ZZZ3: variants seen among roughly 807,000 people sequenced by gnomAD.
ZZZ3 encodes the protein zinc finger ZZ-type containing 3.
Under a neutral mutation model 95.2 loss-of-function variants are expected in ZZZ3, and 22 were observed. That is an observed-to-expected ratio of 0.23 (90% CI 0.17 to 0.33). ZZZ3 has a LOEUF of 0.33. Among genes scored for constraint, ZZZ3 ranks in the 10% least tolerant of loss-of-function variants. The probability of loss-of-function intolerance (pLI) is 1.00; values close to 1 mark genes in which losing one functional copy is unlikely to be tolerated. For missense variants in ZZZ3, 885 were observed against 1,066.5 expected (o/e 0.83, Z 2.37); for synonymous variants, 335 against 358.9 (o/e 0.93, Z 0.75).
rs1335384523 is a variant in ZZZ3, at chr1:77,570,512, C to T, written c.2332-2046G>A. Among the ~76,000 whole-genome samples the T allele has an allele frequency of 3.9e-5, 6 of 152,212 alleles. No homozygotes were observed. In the South Asian group the frequency reaches 1.2e-3, roughly 32 times the overall value. ...CTAGTATCCACCCCCTCCTTTGCCC[C>T]TTACCATTACTTAAAATTTCCCAAT... On this transcript the variant is annotated intron_variant, in intron 12 of 14. Transcript: ENST00000370801.
chr1:77,673,580 G>A (rs571698850), intron 1 of ZZZ3, among the ~76,000 whole-genome samples: 26 of 152,072 alleles, frequency 1.7e-4, no homozygotes, highest in Non-Finnish European at 3.1e-4. Context: ...CTGGGTGACA[G>A]AGTGAGACTG....
intron 1 of ZZZ3, among the ~76,000 whole-genome samples, chr1:77,661,056 A>C (rs1050882122): frequency 8.2e-6 from 1 of 121,602 alleles, no homozygotes; most frequent in South Asian, 2.4e-4. Context: ...GCTTTAACGC[A>C]AAAAAAAAAA....
intron 1 of ZZZ3, among the ~76,000 whole-genome samples, chr1:77,644,578 G>A (rs1570592821): frequency 6.6e-6 from 1 of 152,310 alleles, no homozygotes; most frequent in East Asian, 1.9e-4. Flanking sequence ...TTGGTGGAAG[G>A]AGACAGAAAT....
At chr1:77,623,367 C>T (rs1667056382) in intron 5 of ZZZ3, among the ~76,000 whole-genome samples, 1 of 152,126 alleles carries the variant, frequency 6.6e-6, no homozygotes, top group African/African-American at 2.4e-5. Context: ...TATAATGCTG[C>T]ACACACATAA....
Position 77,633,049 on chromosome 1 carries a change from T to G in ZZZ3, c.306A>C (p.Glu102Asp). ...GTTCTGTTTGCCTTCTCTCACAATT[T>G]TCTATAGCCTGCCTTTCTATGTTAT... ...EKDNIERQAI[E>D]NCERRQTEPV... The change falls in exon 5 of 15, where the codon GAA (glutamate) becomes GAC (aspartate). Residue 102 changes from glutamate (E) to aspartate (D), a missense_variant. Glu to Asp is a conservative substitution (Grantham distance 45). This residue lies in a region of ZZZ3 where 556 missense variants were observed against 652.9 expected (regional missense o/e 0.85). Coordinates refer to ENST00000370801, the MANE Select transcript of ZZZ3 (RefSeq NM_015534.6). 1 of 1,613,932 alleles carries G rather than the reference T, an allele frequency of 6.2e-7. No individual in the cohort carries two copies. The highest frequency in any genetic ancestry group is 8.5e-7 in the Non-Finnish European group (1 of 1,180,008).
intron 5 of ZZZ3, among the ~76,000 whole-genome samples, chr1:77,613,434 T>C (rs1343301978): frequency 6.6e-6 from 1 of 151,590 alleles, no homozygotes; most frequent in Non-Finnish European, 1.5e-5. Context: ...ATAAAACTCA[T>C]TATTCTTCAC....
chr1:77,584,612 G>A lies in ZZZ3; in HGVS notation c.1549C>T (p.Arg517Cys), dbSNP rs752613048. 9.3e-6 allele frequency: 15 copies of A among 1,611,404 alleles called. No homozygotes were observed. Among genetic ancestry groups the A allele is most frequent in the East Asian group, 2.2e-5 (1 of 44,800 alleles). Residue 517 changes from arginine (R) to cysteine (C), a missense_variant, in exon 6 of 15, where the codon CGT (arginine) becomes TGT (cysteine). Coordinates refer to ENST00000370801, the MANE Select transcript of ZZZ3 (RefSeq NM_015534.6). ...TCAAGGTCTTGGACTGCTTGAGAAC[G>A]CTGAGCCTCGAGTACAGCAATCGTC... ...LQTIAVLEAQ[R>C]SQAVQDLESL...
At chr1:77,582,526 T>G (rs1238198932) in intron 6 of ZZZ3, among the ~76,000 whole-genome samples, 1 of 152,070 alleles carries the variant, frequency 6.6e-6, no homozygotes, top group Non-Finnish European at 1.5e-5. Flanking sequence ...GTCAACAACA[T>G]AACTAATATG....
intron 5 of ZZZ3, among the ~76,000 whole-genome samples, chr1:77,595,184 T>C (rs1430396973): frequency 6.6e-6 from 1 of 152,018 alleles, no homozygotes; most frequent in Non-Finnish European, 1.5e-5. Flanking sequence ...GTGTGAACAG[T>C]AGTTGTTTAT....
intron 5 of ZZZ3, among the ~76,000 whole-genome samples, chr1:77,594,872 C>A (rs976860822): frequency 9.5e-6 from 1 of 105,788 alleles, no homozygotes; most frequent in African/African-American, 3.8e-5. Context: ...CATTGAATTA[C>A]AAAACAACCA....
intron 5 of ZZZ3, among the ~76,000 whole-genome samples, chr1:77,603,717 C>A (rs1295134022): frequency 1.3e-5 from 2 of 151,730 alleles, no homozygotes; most frequent in Admixed American, 6.6e-5. Context: ...TACTCAAGGT[C>A]TAATACATAA....
chr1:77,607,309 C>A (rs1032301388), intron 5 of ZZZ3, among the ~76,000 whole-genome samples: 1 of 152,288 alleles, frequency 6.6e-6, no homozygotes, highest in East Asian at 1.9e-4. Context: ...ATGCAGGAAA[C>A]CATCCCCATG....
chr1:77,682,306 G>C (rs538451982), intron 1 of ZZZ3, among the ~76,000 whole-genome samples: 1 of 152,330 alleles, frequency 6.6e-6, no homozygotes, highest in South Asian at 2.1e-4. Flanking sequence ...ACATCTTAAA[G>C]TAAGAGGAAC....
At position 77,581,758 on chromosome 1, in the gene ZZZ3, A is replaced by G. The variant is rs769575540; in HGVS notation, c.1908+18T>C. 14 of 1,565,932 alleles carry G rather than the reference A, an allele frequency of 8.9e-6. No homozygotes were observed. In the Admixed American group the frequency reaches 1.1e-4, roughly 13 times the overall value. On this transcript the variant is annotated intron_variant, in intron 8 of 14. Coordinates refer to ENST00000370801, the MANE Select transcript of ZZZ3 (RefSeq NM_015534.6). ...CTAAAATTCAAATTCTCCTACTCCA[A>G]TATTTCACACTGCTTACCTGAGGAC...
chr1:77,646,228 TTTTTC>T (rs373904903), intron 1 of ZZZ3, among the ~76,000 whole-genome samples: 10 of 152,208 alleles, frequency 6.6e-5, no homozygotes, highest in African/African-American at 2.4e-4. Context: ...TTTTTGTTTT[TTTTTC>T]TTTTGAGACA....
intron 12 of ZZZ3, among the ~76,000 whole-genome samples, chr1:77,569,188 T>A (rs1184938197): frequency 6.6e-6 from 1 of 152,036 alleles, no homozygotes; most frequent in African/African-American, 2.4e-5. Context: ...AATACAAAAA[T>A]TAGTTGGGCA....
intron 4 of ZZZ3, among the ~76,000 whole-genome samples, chr1:77,635,580 C>T (rs1668220481): frequency 6.6e-6 from 1 of 152,182 alleles, no homozygotes; most frequent in Non-Finnish European, 1.5e-5. Flanking sequence ...AATTGTAAAA[C>T]ATTTAAGTTA....
At position 77,576,221 on chromosome 1, in the gene ZZZ3, CTAAG is replaced by C. The variant is rs760797578; in HGVS notation, c.2179-5_2179-2del. ...GGTGCTGTCGTCTGCTTGTTGAAGA[CTAAG>C]TAAGAAAACAAATTTTTAATTGGTT... On this transcript the variant is annotated splice_acceptor_variant and splice_polypyrimidine_tract_variant and intron_variant, in intron 11 of 14. Transcript: ENST00000370801. LOFTEE classifies it high-confidence loss of function. 3.2e-6 allele frequency: 5 copies of C among 1,571,200 alleles called. No homozygotes were observed. Among genetic ancestry groups the C allele is most frequent in the East Asian group, 2.3e-5 (1 of 44,322 alleles).
At chr1:77,643,445 T>TA (rs1049056071) in intron 1 of ZZZ3, among the ~76,000 whole-genome samples, 7 of 152,212 alleles carry the variant, frequency 4.6e-5, no homozygotes, top group African/African-American at 1.7e-4. Context: ...TCTAGAAGTT[T>TA]AAAAAACAGC....
Sources: gnomAD v4.1 joint callset for allele counts (sites outside exome capture counted in the v4.1 genomes callset) on GRCh38, gnomAD v4.1.1 for gene constraint, gnomAD v4.1.1 regional missense constraint, MANE v1.5 for transcripts, NCBI Gene and HGNC (gene_info 2026-07-23, HGNC 2026-07-21) for gene names.